The following JAZF1 variants were observed in gnomAD, a reference collection of about 807,000 sequenced individuals.
The protein encoded by JAZF1 is JAZF zinc finger 1.
Under a neutral mutation model 26.4 loss-of-function variants are expected in JAZF1, and 8 were observed. That is an observed-to-expected ratio of 0.30 (90% CI 0.18 to 0.55). The LOEUF is 0.55. Among genes scored for constraint, JAZF1 ranks in the 20% least tolerant of loss-of-function variants. The probability of loss-of-function intolerance (pLI) is 0.94; values close to 1 mark genes in which losing one functional copy is unlikely to be tolerated. For missense variants in JAZF1, 199 were observed against 322.0 expected (o/e 0.62, Z 2.92); for synonymous variants, 126 against 122.3 (o/e 1.03, Z -0.20).
chr7:28,056,933 G>A (rs1414648764), intron 1 of JAZF1, among the ~76,000 whole-genome samples: 2 of 152,164 alleles, frequency 1.3e-5, no homozygotes, highest in Admixed American at 1.3e-4. Flanking sequence ...TGTGTCTTTA[G>A]GGGATAAGAT....
At chr7:28,146,684 A>G (rs1322844044) in intron 1 of JAZF1, among the ~76,000 whole-genome samples, 1 of 152,166 alleles carries the variant, frequency 6.6e-6, no homozygotes, top group Non-Finnish European at 1.5e-5. Flanking sequence ...GAGTATTGCC[A>G]TTTAAAAATA....
chr7:27,989,944 A>G (rs935335620), intron 2 of JAZF1, among the ~76,000 whole-genome samples: 1 of 152,220 alleles, frequency 6.6e-6, no homozygotes, highest in Non-Finnish European at 1.5e-5. Context: ...GCATATACCC[A>G]AAGGTTTATA....
chr7:27,929,425 G>C (rs905397210), intron 2 of JAZF1, among the ~76,000 whole-genome samples: 1 of 152,250 alleles, frequency 6.6e-6, no homozygotes, highest in East Asian at 1.9e-4. Context: ...AATGAAGTGA[G>C]GGTCAGCCTG....
intron 1 of JAZF1, among the ~76,000 whole-genome samples, chr7:28,137,368 C>A (rs1366705227): frequency 6.6e-6 from 1 of 152,208 alleles, no homozygotes; most frequent in African/African-American, 2.4e-5. Context: ...GCAACAGCAT[C>A]TTCCTTGTGG....
intron 3 of JAZF1, among the ~76,000 whole-genome samples, chr7:27,867,003 A>G (rs561116028): frequency 1.4e-3 from 219 of 152,352 alleles, no homozygotes; most frequent in African/African-American, 4.3e-3. Context: ...TTCTGAAGGC[A>G]GTGAGAGTGA....
intron 1 of JAZF1, among the ~76,000 whole-genome samples, chr7:27,993,018 C>T (rs147173304): frequency 8.3e-4 from 127 of 152,258 alleles, no homozygotes; most frequent in African/African-American, 2.9e-3. Context: ...GATACAGTGG[C>T]AGAGAACACG....
intron 1 of JAZF1, among the ~76,000 whole-genome samples, chr7:28,016,523 A>G (rs1010044579): frequency 6.6e-5 from 10 of 152,124 alleles, no homozygotes; most frequent in African/African-American, 2.4e-4. Context: ...CTTGGGTCTC[A>G]CCCAGACCAA....
At chr7:28,070,552 C>T (rs752991061) in intron 1 of JAZF1, among the ~76,000 whole-genome samples, 20 of 152,216 alleles carry the variant, frequency 1.3e-4, no homozygotes, top group Non-Finnish European at 1.9e-4. Flanking sequence ...AATCCCGGCA[C>T]GATCCTGCCC....
At chr7:27,874,110 C>T (rs987970581) in intron 3 of JAZF1, among the ~76,000 whole-genome samples, 7 of 152,218 alleles carry the variant, frequency 4.6e-5, no homozygotes, top group Non-Finnish European at 8.8e-5. Flanking sequence ...TCATCTCCAG[C>T]TGGGCGCAGG....
intron 1 of JAZF1, among the ~76,000 whole-genome samples, chr7:28,087,486 A>G (rs1220821162): frequency 6.6e-6 from 1 of 152,166 alleles, no homozygotes; most frequent in Non-Finnish European, 1.5e-5. Flanking sequence ...ATTTACCAAA[A>G]TAGGATTTAA....
chr7:28,081,007 G>A (rs900104176), intron 1 of JAZF1, among the ~76,000 whole-genome samples: 1 of 152,010 alleles, frequency 6.6e-6, no homozygotes, highest in South Asian at 2.1e-4. Flanking sequence ...GGGAAGGGAG[G>A]GCATCAAAGT....
chr7:27,913,064 C>A (rs1234066969), intron 2 of JAZF1, among the ~76,000 whole-genome samples: 1 of 152,022 alleles, frequency 6.6e-6, no homozygotes, highest in African/African-American at 2.4e-5. Context: ...CTGGGAGCTA[C>A]TTAGTGGGTA....
intron 2 of JAZF1, among the ~76,000 whole-genome samples, chr7:27,983,130 C>T (rs1785622243): frequency 6.6e-6 from 1 of 151,874 alleles, no homozygotes; most frequent in South Asian, 2.1e-4. Context: ...CTTCAGATGA[C>T]CGGTAATAAC....
chr7:27,905,419 G>A (rs1784236712), intron 2 of JAZF1, among the ~76,000 whole-genome samples: 1 of 134,598 alleles, frequency 7.4e-6, no homozygotes, highest in African/African-American at 2.7e-5. Flanking sequence ...GCTTCTAGAT[G>A]TTCATTTCTT....
At chr7:28,000,836 C>T (rs977795281) in intron 1 of JAZF1, among the ~76,000 whole-genome samples, 1 of 151,944 alleles carries the variant, frequency 6.6e-6, no homozygotes, top group Non-Finnish European at 1.5e-5. Flanking sequence ...CCAGAGTGTT[C>T]TCGAACTCCT....
At chr7:27,957,155 TTA>T (rs1026846257) in intron 2 of JAZF1, among the ~76,000 whole-genome samples, 2 of 132,602 alleles carry the variant, frequency 1.5e-5, no homozygotes, top group African/African-American at 6.1e-5. Flanking sequence ...TGAACTGAAT[TTA>T]AATCCTCAAA....
chr7:28,111,160 A>G (rs1439630329), intron 1 of JAZF1, among the ~76,000 whole-genome samples: 4 of 152,218 alleles, frequency 2.6e-5, no homozygotes, highest in Admixed American at 2.6e-4. Context: ...ATTCATAGAT[A>G]AAGGGATAGT....
chr7:28,171,328 A>G (rs1485876732), intron 1 of JAZF1, among the ~76,000 whole-genome samples: 2 of 152,268 alleles, frequency 1.3e-5, no homozygotes, highest in Admixed American at 6.5e-5. Flanking sequence ...ATAAATATAC[A>G]GCCCTCATTG....
chr7:28,101,765 G>A (rs1392972458), intron 1 of JAZF1, among the ~76,000 whole-genome samples: 1 of 151,852 alleles, frequency 6.6e-6, no homozygotes. Context: ...AAAATAAAAT[G>A]TAAGCCCATT....
Sources: gnomAD v4.1 joint callset for allele counts (sites outside exome capture counted in the v4.1 genomes callset) on GRCh38, gnomAD v4.1.1 for gene constraint, MANE v1.5 for transcripts, NCBI Gene and HGNC (gene_info 2026-07-23, HGNC 2026-07-21) for gene names.